The following PRXL2A variants were observed in gnomAD, a reference collection of about 807,000 sequenced individuals.
The protein encoded by PRXL2A is peroxiredoxin like 2A, also known as peroxiredoxin-like 2A.
In PRXL2A, 26 loss-of-function variants were observed where a neutral mutation model predicts 25.6. That is an observed-to-expected ratio of 1.02 (90% CI 0.74 to 1.41). PRXL2A has a LOEUF of 1.41. Among genes scored for constraint, PRXL2A ranks in the 40% most tolerant of loss-of-function variants. The pLI, the probability that PRXL2A is intolerant of heterozygous loss-of-function variation, is 0.00. For missense variants in PRXL2A, 246 were observed against 273.9 expected, an observed-to-expected ratio of 0.90 and a Z score of 0.72; for synonymous variants, 98 against 102.9, an observed-to-expected ratio of 0.95 and a Z score of 0.29.
chr10:80,432,569 A>G lies in PRXL2A; in HGVS notation c.*470A>G. On this transcript the variant is annotated 3_prime_UTR_variant, in exon 6 of 6. Coordinates refer to ENST00000606162, the MANE Select transcript of PRXL2A (RefSeq NM_032333.5). Reference sequence around the variant, plus strand: ...GGCAGGAGAATCACTTGAACCTGGGAGGTGGAGGTTGCGGTGAGCTGAGAT... The same window carrying G: ...GGCAGGAGAATCACTTGAACCTGGGGGGTGGAGGTTGCGGTGAGCTGAGAT... The G allele has an allele frequency of 6.9e-6, 1 of 145,228 alleles. No homozygotes were observed. The highest frequency in any genetic ancestry group is 1.5e-5 in the Non-Finnish European group (1 of 67,144). 9.0% of individuals were successfully genotyped at this position (145,228 alleles called of 1,614,324 possible). A position where few individuals can be genotyped will look rare whatever the true frequency, so the allele number is the denominator to read the frequency against.
rs1303214469 is a variant in PRXL2A at position 80,432,890 on chromosome 10, AT to A, written c.*792del. Reference sequence around the variant, plus strand: ...TGGGATAGTTTGACAAAGGTAAATTATAAAGTGAAATCTCTTGTTTCATTAT... The same window carrying A: ...TGGGATAGTTTGACAAAGGTAAATTAAAAGTGAAATCTCTTGTTTCATTAT... On this transcript the variant is annotated 3_prime_UTR_variant, in exon 6 of 6. Coordinates refer to ENST00000606162, the MANE Select transcript of PRXL2A (RefSeq NM_032333.5). 1 of 152,210 alleles carries A rather than the reference AT, an allele frequency of 6.6e-6. No individual in the cohort carries two copies. The highest frequency in any genetic ancestry group is 1.5e-5 in the Non-Finnish European group (1 of 68,044). 9.4% of individuals were successfully genotyped at this position (152,210 alleles called of 1,614,324 possible).
chr10:80,418,233 T>C (rs1188225283), intron 1 of PRXL2A, among the ~76,000 whole-genome samples: 1 of 152,122 alleles, frequency 6.6e-6, no homozygotes, highest in African/African-American at 2.4e-5. Context: ...ATGTATACTA[T>C]TGATTAGCTC....
chr10:80,424,152 G>A (rs1462870685), intron 3 of PRXL2A, among the ~76,000 whole-genome samples: 1 of 152,138 alleles, frequency 6.6e-6, no homozygotes, highest in Non-Finnish European at 1.5e-5. Context: ...TTTCCAAAAA[G>A]ATGGGTGGAT....
At chr10:80,410,383 C>T (rs1564686729) in intron 1 of PRXL2A, among the ~76,000 whole-genome samples, 1 of 152,350 alleles carries the variant, frequency 6.6e-6, no homozygotes, top group African/African-American at 2.4e-5. Flanking sequence ...TAGCATGGAG[C>T]GGGCCTGCAG....
chr10:80,422,629 G>T, intron 3 of PRXL2A, 121 bp downstream of exon 3: 11 of 605,844 alleles, frequency 1.8e-5, no homozygotes, highest in South Asian at 7.1e-5. Context: ...GTTCTGTTCT[G>T]TTATTTGCTC....
At chr10:80,420,730 T>C in intron 2 of PRXL2A, 85 bp downstream of exon 2, 1 of 1,065,000 alleles carries the variant, frequency 9.4e-7, no homozygotes, top group Non-Finnish European at 1.3e-6. Context: ...TCTCTCCTTT[T>C]TTTAATTGAA....
In PRXL2A at chr10:80,424,839, C is replaced by T. The variant is rs568309860; in HGVS notation, c.271-1027C>T. Among the ~76,000 whole-genome samples the T allele has an allele frequency of 9.5e-4, 145 of 152,218 alleles. 1 individual carries two copies. The highest frequency in any genetic ancestry group is 3.4e-3 in the African/African-American group (140 of 41,530). On this transcript the variant is annotated intron_variant, in intron 3 of 5. Transcript: ENST00000606162. ...TTGTGCCACTACACTCCAGCATGGG[C>T]GAGTAGCGTGGGCGACAGAGCAAGA...
At chr10:80,415,341 C>T (rs556631117) in intron 1 of PRXL2A, among the ~76,000 whole-genome samples, 17 of 152,348 alleles carry the variant, frequency 1.1e-4, no homozygotes, top group African/African-American at 3.8e-4. Context: ...ATCTTGTACC[C>T]AGCCCTTGAA....
chr10:80,423,793 C>T lies in PRXL2A; in HGVS notation c.270+1285C>T, dbSNP rs1053571412. Among the ~76,000 whole-genome samples, 7 of 152,344 alleles carry T rather than the reference C, an allele frequency of 4.6e-5. No individual in the cohort carries two copies. In the South Asian group the frequency reaches 1.4e-3, roughly 32 times the overall value. On this transcript the variant is annotated intron_variant, in intron 3 of 5. Coordinates refer to ENST00000606162, the MANE Select transcript of PRXL2A (RefSeq NM_032333.5). ...ATTTTCTGTTGCTGTAACAAATTAC[C>T]TCAAACTCAATGGCTTTAACCAGCA...
chr10:80,413,935 G>T, intron 1 of PRXL2A: 1 of 1,092,788 alleles, frequency 9.2e-7, no homozygotes, highest in Non-Finnish European at 1.2e-6. Flanking sequence ...GACCGTTTGA[G>T]GAAGGGAGTT....
intron 1 of PRXL2A, among the ~76,000 whole-genome samples, chr10:80,411,512 G>A (rs1016597817): frequency 4.6e-5 from 7 of 152,230 alleles, no homozygotes; most frequent in African/African-American, 1.4e-4. Flanking sequence ...TAGCGTGTCT[G>A]ATGCAGGATA....
At chr10:80,421,359 G>A (rs1432818142) in intron 2 of PRXL2A, among the ~76,000 whole-genome samples, 5 of 152,372 alleles carry the variant, frequency 3.3e-5, no homozygotes, top group African/African-American at 1.2e-4. Context: ...TGTTAGAGCT[G>A]TAGCTTGGTG....
chr10:80,426,080 A>G, intron 4 of PRXL2A, 74 bp downstream of exon 4: 1 of 1,582,504 alleles, frequency 6.3e-7, no homozygotes, highest in African/African-American at 1.3e-5. Flanking sequence ...CAGGTGGCCC[A>G]GGTATGTCTG....
At chr10:80,419,016 T>C (rs1056248517) in intron 1 of PRXL2A, among the ~76,000 whole-genome samples, 12 of 152,126 alleles carry the variant, frequency 7.9e-5, no homozygotes, top group African/African-American at 2.9e-4. Context: ...AGACTGAGTC[T>C]TGCTCTATGA....
At position 80,432,010 on chromosome 10, in the gene PRXL2A, A is replaced by G; in HGVS notation, c.601A>G (p.Lys201Glu). The G allele has an allele frequency of 3.7e-6, 6 of 1,611,862 alleles. No individual in the cohort carries two copies. Among genetic ancestry groups the G allele is most frequent in the Non-Finnish European group, 4.2e-6 (5 of 1,179,226 alleles). The change falls in exon 6 of 6, where the codon AAA (lysine) becomes GAA (glutamate). Residue 201 changes from lysine (K) to glutamate (E), a missense_variant. Lys to Glu is a moderately conservative substitution (Grantham distance 56). Transcript: ENST00000606162. Reference protein sequence around the residue: ...KQGILLEHREKEFGDKVNLLS... With the variant: ...KQGILLEHREEEFGDKVNLLS... ...GGGCATTCTTCTTGAGCACCGAGAA[A>G]AAGAATTTGGAGACAAAGTAAACCT...
At chr10:80,431,189 C>T (rs926324266) in intron 5 of PRXL2A, among the ~76,000 whole-genome samples, 10 of 152,132 alleles carry the variant, frequency 6.6e-5, no homozygotes, top group African/African-American at 2.4e-4. Context: ...TGAGCCACAG[C>T]ACGCAGCCTA....
chr10:80,427,614 C>A, intron 5 of PRXL2A, 118 bp downstream of exon 5: 1 of 974,700 alleles, frequency 1.0e-6, no homozygotes, highest in Non-Finnish European at 1.5e-6. Flanking sequence ...AGCCTTCCTT[C>A]TAGCAAGCCA....
intron 1 of PRXL2A, among the ~76,000 whole-genome samples, chr10:80,419,527 C>T (rs1191662071): frequency 2.7e-5 from 4 of 150,550 alleles, no homozygotes; most frequent in South Asian, 2.1e-4. Context: ...AGGCTGGTCT[C>T]GAACTCCCGA....
intron 2 of PRXL2A, among the ~76,000 whole-genome samples, chr10:80,421,339 G>A (rs1320005207): frequency 3.9e-5 from 6 of 152,188 alleles, no homozygotes; most frequent in African/African-American, 1.4e-4. Flanking sequence ...TCCTTGCTGT[G>A]TGCTCTCAGT....
Sources: gnomAD v4.1 joint callset for allele counts (sites outside exome capture counted in the v4.1 genomes callset) on GRCh38, gnomAD v4.1.1 for gene constraint, MANE v1.5 for transcripts, NCBI Gene and HGNC (gene_info 2026-07-23, HGNC 2026-07-21) for gene names.